Variants in KIAA0753 observed in about 807,000 individuals in gnomAD.
The protein encoded by KIAA0753 is protein moonraker.
KIAA0753 carries 114 observed loss-of-function variants against 116.9 expected under a neutral mutation model. That is an observed-to-expected ratio of 0.98 (90% CI 0.84 to 1.14). KIAA0753 has a LOEUF of 1.14. KIAA0753 is among the 50% of genes most tolerant of loss of function. The pLI is 0.00. For synonymous variants in KIAA0753, 405 were observed against 413.1 expected, an observed-to-expected ratio of 0.98 and a Z score of 0.24; for missense variants, 1,156 against 1,172.4, an observed-to-expected ratio of 0.99 and a Z score of 0.20.
At chr17:6,599,006 C>T (rs541635302) in intron 14 of KIAA0753, among the ~76,000 whole-genome samples, 1 of 152,334 alleles carries the variant, frequency 6.6e-6, no homozygotes, top group East Asian at 1.9e-4. Context: ...GATAGAGCCA[C>T]TAACAAAAAC....
Position 6,609,820 on chromosome 17 carries a change from A to G in KIAA0753, c.1712+174T>C, listed in dbSNP as rs62061467. ...CACAGTCAGGCAGAAGAAGGAACCAACAAGCTTCCAGACAAAGACTTCTCA... is the reference window on the plus strand; with the variant it reads ...CACAGTCAGGCAGAAGAAGGAACCAGCAAGCTTCCAGACAAAGACTTCTCA... On this transcript the variant is annotated intron_variant, in intron 9 of 18. Coordinates refer to ENST00000361413, the MANE Select transcript of KIAA0753 (RefSeq NM_014804.3). Among the ~76,000 whole-genome samples the G allele has an allele frequency of 0.2, 29,843 of 152,062 alleles. 3,165 individuals are homozygous for G. The highest frequency in any genetic ancestry group is 0.37 in the East Asian group (1,923 of 5,148).
intron 11 of KIAA0753, 44 bp from the exon 12 acceptor site, chr17:6,607,006 G>C (rs1263704653): frequency 6.4e-7 from 1 of 1,573,926 alleles, no homozygotes; most frequent in Non-Finnish European, 8.7e-7. Context: ...CCTCAAGGCA[G>C]AGTCAGGGCT....
intron 12 of KIAA0753, among the ~76,000 whole-genome samples, chr17:6,606,172 T>G (rs1484675402): frequency 3.4e-4 from 51 of 152,166 alleles, no homozygotes; most frequent in Admixed American, 3.3e-3. Context: ...ATTCTGGGAT[T>G]GTATGACTTG....
chr17:6,602,269 T>G (rs1475455099), intron 12 of KIAA0753, among the ~76,000 whole-genome samples: 2 of 152,218 alleles, frequency 1.3e-5, no homozygotes, highest in East Asian at 3.8e-4. Context: ...CTCCTAGGCA[T>G]TTACCCAAGA....
At chr17:6,632,386 A>G (rs1267138602) in intron 2 of KIAA0753, among the ~76,000 whole-genome samples, 1 of 152,232 alleles carries the variant, frequency 6.6e-6, no homozygotes, top group Non-Finnish European at 1.5e-5. Context: ...GCTGAAATAA[A>G]TAAGTAAGTA....
rs376068595 is a variant in KIAA0753 at position 6,593,799 on chromosome 17, C to T, written c.2440+1173G>A. On this transcript the variant is annotated intron_variant, in intron 16 of 18. Coordinates refer to ENST00000361413, the MANE Select transcript of KIAA0753 (RefSeq NM_014804.3). ...CTTGGGAGGCTGAGGCAACAAGAAT[C>T]GCTTGAACTCGGGAGGTAGAGGTTG... Among the ~76,000 whole-genome samples the T allele has an allele frequency of 4.6e-5, 7 of 152,190 alleles. No homozygotes were observed. In the East Asian group the frequency reaches 5.8e-4, roughly 13 times the overall value.
chr17:6,578,384 T>C lies in KIAA0753; in HGVS notation c.*1363A>G, dbSNP rs1027282514. 7 of 152,218 alleles carry C rather than the reference T, an allele frequency of 4.6e-5. No individual in the cohort carries two copies. Among genetic ancestry groups the C allele is most frequent in the Admixed American group, 3.9e-4 (6 of 15,272 alleles). The allele number at this position is 152,218 out of a possible 1,614,324, so 9.4% of individuals were successfully genotyped here. On this transcript the variant is annotated 3_prime_UTR_variant, in exon 19 of 19. Coordinates refer to ENST00000361413, the MANE Select transcript of KIAA0753 (RefSeq NM_014804.3). ...GCACAGTACAAACTGCCACACAAAT[T>C]ACTTTATACTAGCAACAACCGGTGC...
chr17:6,607,789 A>C (rs1288685712), intron 10 of KIAA0753, among the ~76,000 whole-genome samples: 1 of 152,234 alleles, frequency 6.6e-6, no homozygotes, highest in Non-Finnish European at 1.5e-5. Flanking sequence ...ATGAATACAG[A>C]GAAACCTGTT....
intron 7 of KIAA0753, 98 bp from the exon 8 acceptor site, chr17:6,612,246 T>C: frequency 1.2e-6 from 1 of 828,514 alleles, no homozygotes; most frequent in Non-Finnish European, 1.9e-6. Flanking sequence ...CAAATACCTA[T>C]CCTAGCCCTG....
At chr17:6,605,462 G>C (rs1039035377) in intron 12 of KIAA0753, among the ~76,000 whole-genome samples, 1 of 152,128 alleles carries the variant, frequency 6.6e-6, no homozygotes, top group Admixed American at 6.5e-5. Flanking sequence ...CTCCTGAGAG[G>C]GGCACCTACA....
chr17:6,596,014 A>G, intron 15 of KIAA0753, 144 bp downstream of exon 15: 3 of 773,788 alleles, frequency 3.9e-6, no homozygotes, highest in South Asian at 3.7e-5. Flanking sequence ...TACCAAGGTC[A>G]TACAGTTAGT....
chr17:6,606,648 G>A (rs1204629415), intron 12 of KIAA0753, among the ~76,000 whole-genome samples: 3 of 152,154 alleles, frequency 2.0e-5, no homozygotes, highest in Non-Finnish European at 4.4e-5. Context: ...CTTTCAGACA[G>A]AACTTCTCTA....
intron 17 of KIAA0753, 124 bp downstream of exon 17, chr17:6,590,386 T>A: frequency 2.6e-6 from 3 of 1,155,440 alleles, no homozygotes; most frequent in South Asian, 3.0e-5. Context: ...CATCTTGGAG[T>A]TTGGCAAGAT....
At chr17:6,621,662 T>C (rs1029451165) in intron 6 of KIAA0753, among the ~76,000 whole-genome samples, 1 of 152,174 alleles carries the variant, frequency 6.6e-6, no homozygotes, top group African/African-American at 2.4e-5. Context: ...TTTCTTGCAT[T>C]TTGAAAAGTA....
intron 8 of KIAA0753, 144 bp from the exon 9 acceptor site, chr17:6,610,304 A>C: frequency 3.0e-6 from 1 of 331,732 alleles, no homozygotes. Flanking sequence ...TGTGGCAGAA[A>C]TTTGGGGGAG....
rs911730498 is a variant in KIAA0753 at position 6,578,869 on chromosome 17, T to C, written c.*878A>G. The stretch of plus-strand genomic sequence containing the variant: ...TGGTTCTTAAGTTTCTTCCTTTCTC[T>C]GGGGAGACACAGAGGTCTTCGCGCC... On this transcript the variant is annotated 3_prime_UTR_variant, in exon 19 of 19. Transcript: ENST00000361413. The C allele has an allele frequency of 9.9e-5, 15 of 151,898 alleles. No homozygotes were observed. Among genetic ancestry groups the C allele is most frequent in the Admixed American group, 7.9e-4 (12 of 15,198 alleles). The allele number at this position is 151,898 out of a possible 1,614,324, so 9.4% of individuals were successfully genotyped here.
intron 13 of KIAA0753, among the ~76,000 whole-genome samples, chr17:6,599,748 A>G (rs896117429): frequency 3.3e-5 from 5 of 152,182 alleles, no homozygotes; most frequent in African/African-American, 1.2e-4. Context: ...ACATTTCTCT[A>G]ACTAAAAATA....
In KIAA0753 at chr17:6,620,903, C is replaced by T. The variant is rs189528427; in HGVS notation, c.1200G>A (p.Lys400=). ...ATGTACTTGGCCATCTCTCCAAGGCCTTTTGGCTACCGATAGGAAATCTGC... is the reference window on the plus strand; with the variant it reads ...ATGTACTTGGCCATCTCTCCAAGGCTTTTTGGCTACCGATAGGAAATCTGC... The part of the protein sequence containing the change: ...IRSRFPIGSQ[K]ALERWPSTSP... Residue 400 remains lysine, a synonymous_variant, in exon 7 of 19, where the codon AAG becomes AAA. Coordinates refer to ENST00000361413, the MANE Select transcript of KIAA0753 (RefSeq NM_014804.3). 8.9e-5 allele frequency: 143 copies of T among 1,614,184 alleles called. No homozygotes were observed. In the African/African-American group the frequency reaches 1.8e-3, roughly 21 times the overall value.
chr17:6,585,684 CT>C (rs1265613133), intron 18 of KIAA0753, among the ~76,000 whole-genome samples: 1 of 152,092 alleles, frequency 6.6e-6, no homozygotes, highest in East Asian at 1.9e-4. Flanking sequence ...TTTTTATTCC[CT>C]GGAAGTTCCT....
Sources: allele counts gnomAD v4.1 joint callset (sites outside exome capture counted in the v4.1 genomes callset), GRCh38; gene constraint gnomAD v4.1.1; transcripts MANE v1.5; gene names NCBI Gene and HGNC (gene_info 2026-07-23, HGNC 2026-07-21).